Variants in GAGE1 observed in about 807,000 individuals in gnomAD.
GAGE1 encodes G antigen 1, also known as G antigen 4.
Under a neutral mutation model 5.0 loss-of-function variants are expected in GAGE1, and 5 were observed. The observed-to-expected ratio is 1.00, with a 90% confidence interval of 0.52 to 2.11. The LOEUF (loss-of-function observed/expected upper bound fraction) is 2.11, where lower values mean the gene tolerates loss of function less well. Among genes scored for constraint, GAGE1 ranks in the 30% most tolerant of loss-of-function variants. The pLI is 0.01. For synonymous variants in GAGE1, 6 were observed against 14.8 expected, an observed-to-expected ratio of 0.40 and a Z score of 1.37; for missense variants, 9 against 38.9, an observed-to-expected ratio of 0.23 and a Z score of 2.04.
At chrX:49,604,127 A>G (rs1177165433) in intron 4 of GAGE1, among the ~76,000 whole-genome samples, 3 of 112,906 alleles carry the variant, frequency 2.7e-5, no homozygotes, top group African/African-American at 9.6e-5. Context: ...TGCCGGGATT[A>G]CAGGCGAGAG....
chrX:49,605,182 G>C (rs1212663308), intron 4 of GAGE1: 1 of 954,185 alleles, frequency 1.0e-6, no homozygotes, highest in South Asian at 2.1e-5. Context: ...TAAGATGCCT[G>C]TGCTATGCAT....
chrX:49,608,479 C>T lies in GAGE1; in HGVS notation c.*2464C>T, dbSNP rs1468604667. The T allele has an allele frequency of 9.0e-6, 1 of 111,458 alleles. No individual in the cohort carries two copies. Among genetic ancestry groups the T allele is most frequent in the Admixed American group, 9.6e-5 (1 of 10,397 alleles). The allele number at this position is 111,458 out of a possible 1,213,427, so 9.2% of individuals were successfully genotyped here. A position where few individuals can be genotyped will look rare whatever the true frequency, so the allele number is the denominator to read the frequency against. ...TACCTAGGCATGACATTCTTGTTGC[C>T]TGTTGCGAGGATGCTTTAGCCTACT... is the stretch of plus-strand genomic sequence containing the variant. On this transcript the variant is annotated 3_prime_UTR_variant, in exon 5 of 5. Transcript: ENST00000381700.
intron 3 of GAGE1, among the ~76,000 whole-genome samples, chrX:49,602,136 C>G (rs1310032558): frequency 8.9e-6 from 1 of 111,737 alleles, no homozygotes. Flanking sequence ...CACAGTGAGA[C>G]CTCATCGCTA....
At chrX:49,602,802 C>T (rs5952542) in intron 3 of GAGE1, among the ~76,000 whole-genome samples, 5 of 92,143 alleles carry the variant, frequency 5.4e-5, no homozygotes, top group Non-Finnish European at 1.2e-4. Context: ...GCCAGTTCCC[C>T]AGAAAATTTC....
At chrX:49,604,239 C>T (rs2066636052) in intron 4 of GAGE1, among the ~76,000 whole-genome samples, 1 of 112,497 alleles carries the variant, frequency 8.9e-6, no homozygotes, top group African/African-American at 3.2e-5. Flanking sequence ...AAATGTAGTT[C>T]AGGCCCCAGC....
chrX:49,602,114 C>G (rs1280286794), intron 3 of GAGE1, among the ~76,000 whole-genome samples: 1 of 110,909 alleles, frequency 9.0e-6, no homozygotes, highest in African/African-American at 3.3e-5. Flanking sequence ...AGTTCAAGCC[C>G]AGCCTGGGAA....
chrX:49,605,649 C>T (rs545956286), intron 4 of GAGE1, among the ~76,000 whole-genome samples: 59 of 111,669 alleles, frequency 5.3e-4, no homozygotes, highest in Admixed American at 3.1e-3. Flanking sequence ...CTGTGGCTCA[C>T]GCCTGTAATC....
chrX:49,606,239 T>A lies in GAGE1; in HGVS notation c.*224T>A. On this transcript the variant is annotated 3_prime_UTR_variant, in exon 5 of 5. Transcript: ENST00000381700. ...ATAATTCTCATGTATTGATTTTCTA[T>A]CCAGCAACCTTGTTAAATATGCTTA... 1 of 239,256 alleles carries A rather than the reference T, an allele frequency of 4.2e-6. No individual in the cohort carries two copies. Among genetic ancestry groups the A allele is most frequent in the Non-Finnish European group, 7.8e-6 (1 of 127,895 alleles). The allele number at this position is 239,256 out of a possible 1,213,427, so 19.7% of individuals were successfully genotyped here.
At chrX:49,605,130 A>G (rs1227891749) in intron 4 of GAGE1, 1 of 1,007,431 alleles carries the variant, frequency 9.9e-7, no homozygotes, top group South Asian at 1.8e-5. Context: ...AGTTCCTATC[A>G]TCTGTGGCAT....
chrX:49,605,971 C>T, intron 4 of GAGE1, 22 bp from the exon 5 acceptor site: 2 of 1,021,416 alleles, frequency 2.0e-6, no homozygotes, highest in Non-Finnish European at 2.6e-6. Flanking sequence ...GTAATGTTCC[C>T]AACTGTTTTG....
chrX:49,605,719 GC>G (rs1557132104), intron 4 of GAGE1, among the ~76,000 whole-genome samples: 1 of 110,570 alleles, frequency 9.0e-6, no homozygotes, highest in African/African-American at 3.3e-5. Flanking sequence ...TACCATCGTG[GC>G]TAACACGGTG....
chrX:49,606,008 A>C lies in GAGE1; in HGVS notation c.347A>C (p.Gln116Pro). Residue 116 changes from glutamine (Q) to proline (P), a missense_variant, in exon 5 of 5, where the codon CAG (glutamine) becomes CCG (proline). Around this residue, in one of 2 missense-constraint regions of GAGE1, gnomAD observed 9 missense variants for 16.1 expected, o/e 0.56. Transcript: ENST00000381700. ...KTPEEGEGQS[Q>P]C Reference sequence around the variant, plus strand: ...TTTGTTTCAGGTGAAGGGCAATCACAGTGTTAAAAGAAGACATGCTGAAAT... The same window carrying C: ...TTTGTTTCAGGTGAAGGGCAATCACCGTGTTAAAAGAAGACATGCTGAAAT... The C allele has an allele frequency of 9.3e-7, 1 of 1,072,550 alleles. No homozygotes were observed. 88.4% of individuals were successfully genotyped at this position (1,072,550 alleles called of 1,213,427 possible).
chrX:49,605,059 C>T lies in GAGE1; in HGVS notation c.332-934C>T, dbSNP rs146375202. The T allele has an allele frequency of 2.9e-6, 3 of 1,023,065 alleles. No homozygotes were observed. In the South Asian group the frequency reaches 5.5e-5, roughly 19 times the overall value. The allele number at this position is 1,023,065 out of a possible 1,213,427, so 84.3% of individuals were successfully genotyped here. A position where few individuals can be genotyped will look rare whatever the true frequency, so the allele number is the denominator to read the frequency against. ...TCTGGCTTTTAATGAACAATTGCTT[C>T]TTAAATCTTTCCCCACGGAAACCTT... On this transcript the variant is annotated intron_variant, in intron 4 of 4. Transcript: ENST00000381700.
At chrX:49,603,484 A>G (rs2147104687) in intron 3 of GAGE1, among the ~76,000 whole-genome samples, 184 bp from the exon 4 acceptor site, 1 of 90,291 alleles carries the variant, frequency 1.1e-5, no homozygotes, top group East Asian at 3.5e-4. Flanking sequence ...AATATTTGGA[A>G]CACCTTGTTT....
intron 4 of GAGE1, among the ~76,000 whole-genome samples, chrX:49,605,541 C>T (rs1310500633): frequency 1.8e-5 from 2 of 111,970 alleles, no homozygotes; most frequent in Non-Finnish European, 3.8e-5. Flanking sequence ...AGAGGATCAC[C>T]TTAGCGTTCT....
chrX:49,602,772 A>C (rs1193919791), intron 3 of GAGE1, among the ~76,000 whole-genome samples: 14 of 88,034 alleles, frequency 1.6e-4, no homozygotes, highest in African/African-American at 3.8e-4. Context: ...CATTTAATAC[A>C]GAGTGCATAC....
At chrX:49,604,869 G>T (rs782098280) in intron 4 of GAGE1, 1 of 260,886 alleles carries the variant, frequency 3.8e-6, no homozygotes, top group Non-Finnish European at 7.2e-6. Flanking sequence ...GTGCAGTGGT[G>T]TACTTTCAGC....
At position 49,607,779 on chromosome X, in the gene GAGE1, A is replaced by G. The variant is rs1033961998; in HGVS notation, c.*1764A>G. The G allele has an allele frequency of 1.8e-5, 2 of 111,534 alleles. No individual in the cohort carries two copies. The highest frequency in any genetic ancestry group is 3.8e-5 in the Non-Finnish European group (2 of 53,166). The allele number at this position is 111,534 out of a possible 1,213,427, so 9.2% of individuals were successfully genotyped here. ...CTGAGAATGGGCTGACTGACCCTAG[A>G]TCTGTGTATAATTATGACAATGGCT... is the stretch of plus-strand genomic sequence containing the variant. On this transcript the variant is annotated 3_prime_UTR_variant, in exon 5 of 5. Coordinates refer to ENST00000381700, the MANE Select transcript of GAGE1 (RefSeq NM_001040663.4).
chrX:49,604,311 G>A (rs1310121714), intron 4 of GAGE1, among the ~76,000 whole-genome samples: 2 of 112,556 alleles, frequency 1.8e-5, no homozygotes, highest in Non-Finnish European at 3.7e-5. Flanking sequence ...TGAATTAAAA[G>A]TTTTGAGTAT....
Sources: gnomAD v4.1 joint callset for allele counts (sites outside exome capture counted in the v4.1 genomes callset) on GRCh38, gnomAD v4.1.1 for gene constraint, gnomAD v4.1.1 regional missense constraint, MANE v1.5 for transcripts, NCBI Gene and HGNC (gene_info 2026-07-23, HGNC 2026-07-21) for gene names.